The following PAPPA variants were observed in gnomAD, a reference collection of about 807,000 sequenced individuals.
PAPPA encodes pappalysin-1.
A neutral mutation model predicts 164.0 loss-of-function variants in PAPPA; 60 were observed. The observed-to-expected ratio is 0.37, with a 90% CI of 0.30 to 0.45. PAPPA has a LOEUF of 0.45. Ranked by LOEUF, PAPPA falls within the 20% of genes least tolerant of loss-of-function variation. The pLI, the probability that PAPPA is intolerant of heterozygous loss-of-function variation, is 1.00. For missense variants in PAPPA, 1,782 were observed against 2,087.3 expected (o/e 0.85, Z 2.85); for synonymous variants, 875 against 814.1 (o/e 1.07, Z -1.27).
At chr9:116,236,516 G>A (rs1202035690) in intron 7 of PAPPA, among the ~76,000 whole-genome samples, 1 of 151,490 alleles carries the variant, frequency 6.6e-6, no homozygotes, top group Non-Finnish European at 1.5e-5. Flanking sequence ...GAATCCAGGA[G>A]GCGGGGTTGC....
chr9:116,356,897 A>C (rs1588018602), intron 17 of PAPPA, among the ~76,000 whole-genome samples: 1 of 152,294 alleles, frequency 6.6e-6, no homozygotes, highest in South Asian at 2.1e-4. Flanking sequence ...CCACCATGGC[A>C]CCTGTATACC....
At chr9:116,289,143 T>TAGC (rs1564212018) in intron 9 of PAPPA, among the ~76,000 whole-genome samples, 1 of 33,712 alleles carries the variant, frequency 3.0e-5, no homozygotes, top group African/African-American at 9.6e-5. Context: ...TATATATATA[T>TAGC]ATATATATAT....
chr9:116,214,219 A>G (rs969430028), intron 4 of PAPPA, among the ~76,000 whole-genome samples: 1 of 152,136 alleles, frequency 6.6e-6, no homozygotes, highest in Non-Finnish European at 1.5e-5. Context: ...ATTTTAACTA[A>G]TTTAAATCAG....
At chr9:116,299,923 A>C (rs1377457020) in intron 9 of PAPPA, among the ~76,000 whole-genome samples, 7 of 148,770 alleles carry the variant, frequency 4.7e-5, no homozygotes, top group African/African-American at 1.7e-4. Context: ...CAGAGAGGTT[A>C]GGTTATTTTA....
chr9:116,176,851 G>T (rs958897001), intron 1 of PAPPA, among the ~76,000 whole-genome samples: 1 of 152,052 alleles, frequency 6.6e-6, no homozygotes, highest in African/African-American at 2.4e-5. Flanking sequence ...GATGAGCCAA[G>T]GTCTGATTAT....
At chr9:116,184,462 G>A (rs896336210) in intron 1 of PAPPA, among the ~76,000 whole-genome samples, 1 of 151,834 alleles carries the variant, frequency 6.6e-6, no homozygotes, top group African/African-American at 2.4e-5. Flanking sequence ...TTTCTATTTT[G>A]TTTCCCGTCA....
intron 13 of PAPPA, among the ~76,000 whole-genome samples, chr9:116,336,338 A>C (rs754019596): frequency 1.3e-5 from 2 of 152,166 alleles, no homozygotes; most frequent in Non-Finnish European, 2.9e-5. Context: ...TTTAGTACCC[A>C]CTGTCTCTAG....
At position 116,401,921 on chromosome 9, in the gene PAPPA, T is replaced by A; in HGVS notation, c.*5305T>A. ...CTAAACACCAAAAACTAAACACAAT[T>A]CCAATCCTTTTTCTGTACCTCACGC... On this transcript the variant is annotated 3_prime_UTR_variant, in exon 22 of 22. Transcript: ENST00000328252. 6.6e-6 allele frequency: 1 copy of A among 151,456 alleles called. No individual in the cohort carries two copies. 9.4% of individuals were successfully genotyped at this position (151,456 alleles called of 1,614,324 possible). A position where few individuals can be genotyped will look rare whatever the true frequency, so the allele number is the denominator to read the frequency against.
At chr9:116,337,218 G>A (rs1346660961) in intron 13 of PAPPA, among the ~76,000 whole-genome samples, 4 of 152,158 alleles carry the variant, frequency 2.6e-5, no homozygotes, top group African/African-American at 9.7e-5. Flanking sequence ...CAGCTCTGAG[G>A]TCTTTGGCTG....
intron 1 of PAPPA, among the ~76,000 whole-genome samples, chr9:116,166,958 A>G (rs1843725547): frequency 6.6e-6 from 1 of 152,204 alleles, no homozygotes; most frequent in African/African-American, 2.4e-5. Flanking sequence ...AAAGGTAAAG[A>G]AGGAAGAGAG....
intron 18 of PAPPA, among the ~76,000 whole-genome samples, chr9:116,364,327 C>T (rs1037747563): frequency 2.0e-5 from 3 of 152,208 alleles, no homozygotes; most frequent in South Asian, 2.1e-4. Context: ...GGAAAACCTA[C>T]AGAAACAAAT....
intron 21 of PAPPA, among the ~76,000 whole-genome samples, chr9:116,389,820 TTC>T (rs1021029258): frequency 3.3e-5 from 5 of 151,952 alleles, no homozygotes; most frequent in African/African-American, 9.7e-5. Flanking sequence ...GTTTTTTTTT[TTC>T]TTTCTTTCTT....
intron 1 of PAPPA, among the ~76,000 whole-genome samples, chr9:116,183,030 T>G (rs1274341042): frequency 6.6e-6 from 1 of 152,178 alleles, no homozygotes; most frequent in African/African-American, 2.4e-5. Context: ...GGCCTTCGGT[T>G]TTGCCACATG....
intron 10 of PAPPA, among the ~76,000 whole-genome samples, chr9:116,311,881 A>G (rs540214757): frequency 5.3e-5 from 8 of 152,362 alleles, no homozygotes; most frequent in East Asian, 1.9e-4. Context: ...TGGGTTTGGC[A>G]TTTGTAGGCA....
chr9:116,256,712 A>C (rs1458014590), intron 7 of PAPPA, among the ~76,000 whole-genome samples: 1 of 152,006 alleles, frequency 6.6e-6, no homozygotes, highest in Non-Finnish European at 1.5e-5. Context: ...ATATAAGTCA[A>C]TGACTTTTAC....
At chr9:116,353,998 T>G (rs1352549781) in intron 17 of PAPPA, among the ~76,000 whole-genome samples, 1 of 152,180 alleles carries the variant, frequency 6.6e-6, no homozygotes, top group Admixed American at 6.5e-5. Flanking sequence ...AAGGAAATCA[T>G]ACATGGAATC....
chr9:116,160,313 T>C (rs1843651846), intron 1 of PAPPA, among the ~76,000 whole-genome samples: 1 of 152,156 alleles, frequency 6.6e-6, no homozygotes, highest in Non-Finnish European at 1.5e-5. Flanking sequence ...GACATTTCAT[T>C]TTTTCCAGTG....
rs116960887 is a variant in PAPPA, at chr9:116,172,997, A to G, written c.416-14157A>G. On this transcript the variant is annotated intron_variant, in intron 1 of 21. Coordinates refer to ENST00000328252, the MANE Select transcript of PAPPA (RefSeq NM_002581.5). ...CAAGGAGTTTATGAGATAGACTCTC[A>G]GGGAAATAAAGGGATCTGAAGATCA... Among the ~76,000 whole-genome samples, 1,371 of 152,308 alleles carry G rather than the reference A, an allele frequency of 9.0e-3. 8 individuals carry two copies. The highest frequency in any genetic ancestry group is 0.014 in the Admixed American group (214 of 15,296).
chr9:116,342,042 T>C (rs192730426), intron 13 of PAPPA, among the ~76,000 whole-genome samples: 480 of 152,322 alleles, frequency 3.2e-3, no homozygotes, highest in African/African-American at 0.011. Flanking sequence ...GCACTATTTA[T>C]ACTTTAATGG....
Sources: allele counts gnomAD v4.1 joint callset (sites outside exome capture counted in the v4.1 genomes callset), GRCh38; gene constraint gnomAD v4.1.1; transcripts MANE v1.5; gene names NCBI Gene and HGNC (gene_info 2026-07-23, HGNC 2026-07-21).